Variants in MLF1 observed in about 807,000 individuals in gnomAD.
The protein encoded by MLF1 is myeloid leukemia factor 1, also known as myelodysplasia-myeloid leukemia factor 1.
In MLF1, 37 loss-of-function variants were observed where a neutral mutation model predicts 38.3. That is an observed-to-expected ratio of 0.96 (90% confidence interval 0.74 to 1.27). The LOEUF (loss-of-function observed/expected upper bound fraction) is 1.27, where lower values mean the gene tolerates loss of function less well. Among genes scored for constraint, MLF1 ranks in the 50% most tolerant of loss-of-function variants. The pLI is 0.00. For synonymous variants in MLF1, 95 were observed against 106.5 expected (o/e 0.89, Z 0.66); for missense variants, 331 against 349.2 (o/e 0.95, Z 0.42).
At chr3:158,571,885 G>C in intron 1 of MLF1, among the ~76,000 whole-genome samples, 1 of 20,772 alleles carries the variant, frequency 4.8e-5, no homozygotes, top group Non-Finnish European at 9.6e-5. Flanking sequence ...AGGGTTGAGG[G>C]CGTGAGGTGG....
chr3:158,598,331 TG>T, intron 5 of MLF1, 123 bp downstream of exon 5: 1 of 413,834 alleles, frequency 2.4e-6, no homozygotes, highest in Non-Finnish European at 3.9e-6. Context: ...GAGGGAGGTG[TG>T]GGGGTTGGGG....
intron 1 of MLF1, among the ~76,000 whole-genome samples, chr3:158,571,590 T>G (rs1226042898): frequency 9.8e-6 from 1 of 101,622 alleles, no homozygotes; most frequent in African/African-American, 4.0e-5. Context: ...TTTGGACGCG[T>G]GAGGTAGGCG....
chr3:158,582,379 AACC>A (rs1239843727), intron 1 of MLF1, among the ~76,000 whole-genome samples: 1 of 152,182 alleles, frequency 6.6e-6, no homozygotes, highest in East Asian at 1.9e-4. Flanking sequence ...CGAAAGATAT[AACC>A]TGTAATAGGA....
At chr3:158,572,282 G>GA (rs1714574221) in intron 1 of MLF1, among the ~76,000 whole-genome samples, 1 of 138,552 alleles carries the variant, frequency 7.2e-6, no homozygotes, top group Non-Finnish European at 1.6e-5. Context: ...GAGGTGGGGG[G>GA]ACGGTTTGGG....
In MLF1 at chr3:158,592,498, G is replaced by C; in HGVS notation, c.112G>C (p.Gly38Arg). 1 of 1,612,202 alleles carries C rather than the reference G, an allele frequency of 6.2e-7. No individual in the cohort carries two copies. Among genetic ancestry groups the C allele is most frequent in the Non-Finnish European group, 8.5e-7 (1 of 1,179,294 alleles). The change falls in exon 2 of 8, where the codon GGA becomes CGA. Residue 38 changes from glycine (G) to arginine (R), a missense_variant. Physicochemically the swap from Gly to Arg is moderately radical, Grantham distance 125. Coordinates refer to ENST00000466246, the MANE Select transcript of MLF1 (RefSeq NM_001369783.1). The stretch of plus-strand genomic sequence containing the variant: ...GATAAGAAGTTTTTCTGAACCCTTT[G>C]GAAGAGACTTGCTCAGTATCTCTGA... Reference protein sequence around the residue: ...QMIRSFSEPFGRDLLSISDGR... With the variant: ...QMIRSFSEPFRRDLLSISDGR...
chr3:158,590,201 G>A (rs888435219), intron 1 of MLF1, among the ~76,000 whole-genome samples: 2 of 152,144 alleles, frequency 1.3e-5, no homozygotes, highest in South Asian at 2.1e-4. Flanking sequence ...TTTAAAAATG[G>A]GGGAAGTATT....
At chr3:158,580,075 A>G (rs1330398754) in intron 1 of MLF1, among the ~76,000 whole-genome samples, 1 of 152,230 alleles carries the variant, frequency 6.6e-6, no homozygotes, top group Non-Finnish European at 1.5e-5. Flanking sequence ...AAAATGTTCC[A>G]TGGGTAACTC....
At chr3:158,599,048 A>C (rs1719331567) in intron 5 of MLF1, among the ~76,000 whole-genome samples, 1 of 152,158 alleles carries the variant, frequency 6.6e-6, no homozygotes, top group Non-Finnish European at 1.5e-5. Context: ...ATATATTATG[A>C]TTAATACGCT....
chr3:158,600,128 A>G lies in MLF1; in HGVS notation c.568A>G (p.Thr190Ala). ...HVIKKSKNKK[T>A]GDEEVNQEFI... Reference sequence around the variant, plus strand: ...CATTAAAAAGTCAAAGAACAAGAAGACTGGAGATGAAGAGGTCAACCAGGA... The same window carrying G: ...CATTAAAAAGTCAAAGAACAAGAAGGCTGGAGATGAAGAGGTCAACCAGGA... The change falls in exon 6 of 8, where the codon ACT becomes GCT. Residue 190 changes from threonine (T) to alanine (A), a missense_variant. Coordinates refer to ENST00000466246, the MANE Select transcript of MLF1 (RefSeq NM_001369783.1). The G allele has an allele frequency of 6.8e-7, 1 of 1,470,818 alleles. No individual in the cohort carries two copies. The highest frequency in any genetic ancestry group is 9.1e-7 in the Non-Finnish European group (1 of 1,103,760). The allele number at this position is 1,470,818 out of a possible 1,614,324, so 91.1% of individuals were successfully genotyped here.
At chr3:158,583,045 ATTC>A in intron 1 of MLF1, 1 of 521,174 alleles carries the variant, frequency 1.9e-6, no homozygotes, top group East Asian at 3.3e-5. Flanking sequence ...TACCTCTTAT[ATTC>A]TTCTCCTTCC....
chr3:158,596,481 T>G (rs551705745), intron 3 of MLF1, among the ~76,000 whole-genome samples: 32 of 152,164 alleles, frequency 2.1e-4, no homozygotes, highest in Non-Finnish European at 4.0e-4. Context: ...TATTGAGAGA[T>G]AAGGAAAATT....
intron 1 of MLF1, among the ~76,000 whole-genome samples, chr3:158,574,505 TAAAAAAA>T (rs758915813): frequency 1.1e-5 from 1 of 91,406 alleles, no homozygotes; most frequent in African/African-American, 5.7e-5. Context: ...CCATCTGTAC[TAAAAAAA>T]AAAAAAAAAA....
At chr3:158,604,651 TTTTTTA>T in intron 7 of MLF1, among the ~76,000 whole-genome samples, 1 of 152,022 alleles carries the variant, frequency 6.6e-6, no homozygotes, top group Non-Finnish European at 1.5e-5. Flanking sequence ...GTTTTTTTTG[TTTTTTA>T]TTTTTTGTTT....
intron 1 of MLF1, among the ~76,000 whole-genome samples, chr3:158,585,037 G>GAAAA (rs59014137): frequency 4.5e-5 from 4 of 88,854 alleles, no homozygotes; most frequent in African/African-American, 1.2e-4. Context: ...GACTCTGTCT[G>GAAAA]AAAAAAAAAA....
At chr3:158,597,967 G>A in intron 4 of MLF1, 113 bp from the exon 5 acceptor site, 3 of 1,127,730 alleles carry the variant, frequency 2.7e-6, no homozygotes, top group South Asian at 1.4e-5. Flanking sequence ...ACACCATATT[G>A]GTAGTTTAGT....
chr3:158,571,405 C>A, intron 1 of MLF1, 58 bp downstream of exon 1: 1 of 1,608,494 alleles, frequency 6.2e-7, no homozygotes. Context: ...TCGAGGGGAG[C>A]TATTTTAAGG....
chr3:158,577,061 T>G (rs915955344), intron 1 of MLF1, among the ~76,000 whole-genome samples: 2 of 152,190 alleles, frequency 1.3e-5, no homozygotes, highest in Non-Finnish European at 2.9e-5. Flanking sequence ...GACCAGTATT[T>G]GGTTAAAGTA....
intron 1 of MLF1, among the ~76,000 whole-genome samples, chr3:158,588,167 G>A (rs1284633319): frequency 6.6e-6 from 1 of 152,176 alleles, no homozygotes; most frequent in African/African-American, 2.4e-5. Flanking sequence ...GCCAATAGCT[G>A]TGTGAAGGAA....
At chr3:158,585,783 G>C (rs190435980) in intron 1 of MLF1, among the ~76,000 whole-genome samples, 2 of 152,200 alleles carry the variant, frequency 1.3e-5, no homozygotes, top group East Asian at 3.9e-4. Context: ...ATAGAAATAA[G>C]GTAATAGTAA....
Sources: gnomAD v4.1 joint callset for allele counts (sites outside exome capture counted in the v4.1 genomes callset) on GRCh38, gnomAD v4.1.1 for gene constraint, MANE v1.5 for transcripts, NCBI Gene and HGNC (gene_info 2026-07-23, HGNC 2026-07-21) for gene names.